The following DTNB variants were observed in gnomAD, a reference collection of about 807,000 sequenced individuals.
DTNB encodes DTN-B.
DTNB carries 63 observed loss-of-function variants against 90.7 expected under a neutral mutation model. That is an observed-to-expected ratio of 0.69 (90% CI 0.57 to 0.86). DTNB has a LOEUF of 0.86. DTNB is among the 40% of genes least tolerant of loss of function. The pLI is 0.00. For synonymous variants in DTNB, 277 were observed against 286.7 expected, an observed-to-expected ratio of 0.97 and a Z score of 0.34; for missense variants, 744 against 807.1, an observed-to-expected ratio of 0.92 and a Z score of 0.95.
chr2:25,531,809 T>A (rs2078261429), intron 8 of DTNB, among the ~76,000 whole-genome samples: 2 of 152,226 alleles, frequency 1.3e-5, no homozygotes, highest in Admixed American at 6.5e-5. Flanking sequence ...TCCTCCCTCA[T>A]GTTTACTATA....
intron 10 of DTNB, among the ~76,000 whole-genome samples, chr2:25,458,017 T>C (rs2060311968): frequency 6.6e-6 from 1 of 152,046 alleles, no homozygotes; most frequent in African/African-American, 2.4e-5. Context: ...GTATTTTTAG[T>C]AGAGATGAGG....
intron 8 of DTNB, among the ~76,000 whole-genome samples, chr2:25,545,047 A>G (rs937488474): frequency 6.6e-6 from 1 of 152,022 alleles, no homozygotes; most frequent in Non-Finnish European, 1.5e-5. Context: ...CTCACCTTTC[A>G]CACTTTCCAT....
chr2:25,455,524 C>T (rs771735965), intron 10 of DTNB, 30 bp from the exon 11 acceptor site: 37 of 1,571,732 alleles, frequency 2.4e-5, no homozygotes, highest in Admixed American at 5.4e-5. Context: ...AGACAGCAAG[C>T]GTGACACAAA....
At chr2:25,633,543 G>A (rs888008476) in intron 3 of DTNB, among the ~76,000 whole-genome samples, 2 of 152,012 alleles carry the variant, frequency 1.3e-5, no homozygotes, top group Admixed American at 6.6e-5. Flanking sequence ...GCCTGCCTTG[G>A]CCCCCCAAAG....
intron 16 of DTNB, among the ~76,000 whole-genome samples, chr2:25,407,406 C>T (rs1375406321): frequency 2.6e-5 from 4 of 152,182 alleles, no homozygotes; most frequent in African/African-American, 9.7e-5. Flanking sequence ...TTTGATCCAG[C>T]AATCCCACTA....
chr2:25,612,690 A>G (rs963671077), intron 4 of DTNB, among the ~76,000 whole-genome samples: 15 of 152,140 alleles, frequency 9.9e-5, no homozygotes, highest in Non-Finnish European at 1.2e-4. Flanking sequence ...CAGACTGACT[A>G]AGAAAAAAAA....
intron 8 of DTNB, among the ~76,000 whole-genome samples, chr2:25,556,170 C>T (rs986938042): frequency 5.7e-5 from 6 of 105,554 alleles, no homozygotes; most frequent in Admixed American, 2.1e-4. Context: ...GGCCATCTCT[C>T]TTTTTTTTTT....
intron 16 of DTNB, among the ~76,000 whole-genome samples, chr2:25,408,659 C>T (rs985882971): frequency 7.3e-5 from 11 of 151,550 alleles, no homozygotes; most frequent in Admixed American, 7.2e-4. Flanking sequence ...TATATTGCAG[C>T]TCCAAATGCA....
chr2:25,408,538 C>CAAAAAAAAAAAAAAAAAAAAAAA (rs11395783), intron 16 of DTNB, among the ~76,000 whole-genome samples: 2 of 32,734 alleles, frequency 6.1e-5, no homozygotes, highest in African/African-American at 1.9e-4. Context: ...GACTCCATCT[C>CAAAAAAAAAAAAAAAAAAAAAAA]AAAAAAAAAA....
chr2:25,477,236 T>C (rs1271157303), intron 10 of DTNB, among the ~76,000 whole-genome samples: 1 of 152,212 alleles, frequency 6.6e-6, no homozygotes, highest in East Asian at 1.9e-4. Context: ...AAAACTTTTA[T>C]ATGTACTGGG....
chr2:25,641,896 C>A (rs1164954806), intron 2 of DTNB, among the ~76,000 whole-genome samples: 1 of 152,184 alleles, frequency 6.6e-6, no homozygotes, highest in Non-Finnish European at 1.5e-5. Context: ...TCTCGGCTTA[C>A]TGCAAGCTCT....
At chr2:25,554,121 T>C (rs970460727) in intron 8 of DTNB, among the ~76,000 whole-genome samples, 7 of 152,100 alleles carry the variant, frequency 4.6e-5, no homozygotes, top group Non-Finnish European at 8.8e-5. Flanking sequence ...CTTTTAAAAC[T>C]GAAAAAGCTG....
At chr2:25,462,579 G>A (rs1248553440) in intron 10 of DTNB, among the ~76,000 whole-genome samples, 1 of 152,310 alleles carries the variant, frequency 6.6e-6, no homozygotes, top group East Asian at 1.9e-4. Context: ...TTTGTAGACT[G>A]TTGGGAAGAT....
chr2:25,575,164 C>T (rs1389873449), intron 8 of DTNB, among the ~76,000 whole-genome samples: 1 of 151,098 alleles, frequency 6.6e-6, no homozygotes, highest in Non-Finnish European at 1.5e-5. Flanking sequence ...AGAAATATAC[C>T]AGCAAACTCA....
intron 9 of DTNB, among the ~76,000 whole-genome samples, chr2:25,519,132 G>A (rs992235906): frequency 3.9e-5 from 6 of 152,222 alleles, no homozygotes; most frequent in East Asian, 1.9e-4. Flanking sequence ...GGAGGCTGAG[G>A]TGTGAGGACT....
At chr2:25,419,392 G>T (rs1285145388) in intron 16 of DTNB, 123 bp downstream of exon 16, 2 of 1,461,808 alleles carry the variant, frequency 1.4e-6, no homozygotes, top group East Asian at 2.5e-5. Context: ...ACCGCTGGGG[G>T]TTTTACACAT....
intron 6 of DTNB, among the ~76,000 whole-genome samples, chr2:25,587,363 A>C (rs1424815942): frequency 6.6e-6 from 1 of 152,246 alleles, no homozygotes; most frequent in Non-Finnish European, 1.5e-5. Context: ...TAAAGTGACG[A>C]GAAGACCAGG....
Position 25,383,211 on chromosome 2 carries a change from GTCTT to G in DTNB, c.1879+621_1879+624del, listed in dbSNP as rs1254408135. Among the ~76,000 whole-genome samples the G allele has an allele frequency of 3.0e-5, 4 of 134,624 alleles. No homozygotes were observed. The East Asian group carries it at 8.1e-4, about 27-fold the overall frequency. The allele number at this position is 134,624 out of a possible 152,430, so 88.3% of individuals were successfully genotyped here. A position where few individuals can be genotyped will look rare whatever the true frequency, so the allele number is the denominator to read the frequency against. ...TTGATCTATTTATTTTGCATTTTTG[GTCTT>G]TTTTTTTTTTTTTTTTGGAGATGGA... is the stretch of plus-strand genomic sequence containing the variant. On this transcript the variant is annotated intron_variant, in intron 19 of 20. Transcript: ENST00000406818.
rs376238605 is a variant in DTNB at position 25,498,447 on chromosome 2, A to C, written c.1002-15574T>G. On this transcript the variant is annotated intron_variant, in intron 9 of 20. Coordinates refer to ENST00000406818, the MANE Select transcript of DTNB (RefSeq NM_021907.5). Reference sequence around the variant, plus strand: ...TCATATCAGAAATATAATAAAAACAAAATAACAGTGGGATATCATCTTTCA... The same window carrying C: ...TCATATCAGAAATATAATAAAAACACAATAACAGTGGGATATCATCTTTCA... Among the ~76,000 whole-genome samples the C allele has an allele frequency of 1.2e-4, 18 of 152,326 alleles. No homozygotes were observed. The East Asian group carries it at 1.5e-3, about 13-fold the overall frequency.
Sources: gnomAD v4.1 joint callset for allele counts (sites outside exome capture counted in the v4.1 genomes callset) on GRCh38, gnomAD v4.1.1 for gene constraint, MANE v1.5 for transcripts, NCBI Gene and HGNC (gene_info 2026-07-23, HGNC 2026-07-21) for gene names.